Variants in TCL1A observed in about 807,000 individuals in gnomAD.
TCL1A encodes the protein TCL1 family AKT coactivator A.
Under a neutral mutation model 16.9 loss-of-function variants are expected in TCL1A, and 9 were observed. That is an observed-to-expected ratio of 0.53 (90% CI 0.32 to 0.93). The LOEUF is 0.93. Among genes scored for constraint, TCL1A ranks in the 40% least tolerant of loss-of-function variants. The pLI, the probability that TCL1A is intolerant of heterozygous loss-of-function variation, is 0.04. For synonymous variants in TCL1A, 69 were observed against 63.2 expected, an observed-to-expected ratio of 1.09 and a Z score of -0.44; for missense variants, 139 against 153.0, an observed-to-expected ratio of 0.91 and a Z score of 0.48.
Position 95,714,092 on chromosome 14 carries a change from A to C in TCL1A, c.-26T>G, listed in dbSNP as rs957310790. ...GGCGTCCTCGGGCCGCCTAAGAAGC[A>C]AGAGCCAGAGCCTCTCAAGGCCGCT... On this transcript the variant is annotated 5_prime_UTR_variant, in exon 1 of 4. Coordinates refer to ENST00000402399, the MANE Select transcript of TCL1A (RefSeq NM_021966.3). 3 of 1,612,116 alleles carry C rather than the reference A, an allele frequency of 1.9e-6. No homozygotes were observed. In the East Asian group the frequency reaches 6.7e-5, roughly 36 times the overall value.
chr14:95,713,810 G>A (rs751230096), intron 1 of TCL1A, 137 bp downstream of exon 1: 4 of 1,360,564 alleles, frequency 2.9e-6, no homozygotes, highest in East Asian at 2.3e-5. Context: ...CCAGAGCCCG[G>A]CTCAAAGTGG....
At chr14:95,713,641 A>ATACCCATTTTTAAGGATTAG in intron 1 of TCL1A, among the ~76,000 whole-genome samples, 1 of 152,214 alleles carries the variant, frequency 6.6e-6, no homozygotes, top group Non-Finnish European at 1.5e-5. Context: ...TCACTTAGAG[A>ATACCCATTTTTAAGGATTAG]TACCCATTTT....
chr14:95,713,484 A>G (rs1886438236), intron 1 of TCL1A, among the ~76,000 whole-genome samples: 2 of 152,334 alleles, frequency 1.3e-5, no homozygotes, highest in East Asian at 1.9e-4. Context: ...TTTTCTAAAT[A>G]AAGCCCAGAG....
Position 95,710,617 on chromosome 14 carries a change from G to A in TCL1A, c.*271C>T, listed in dbSNP as rs546597677. On this transcript the variant is annotated 3_prime_UTR_variant, in exon 4 of 4. Transcript: ENST00000402399. ...TCCAGCTGAGAAAAGCCGAGGCACAGGTATAGCTGGGCACCTGGAAGAAGC... is the reference window on the plus strand; with the variant it reads ...TCCAGCTGAGAAAAGCCGAGGCACAAGTATAGCTGGGCACCTGGAAGAAGC... The A allele has an allele frequency of 6.5e-6, 1 of 152,676 alleles. No individual in the cohort carries two copies. The highest frequency in any genetic ancestry group is 1.9e-4 in the East Asian group (1 of 5,192). 9.5% of individuals were successfully genotyped at this position (152,676 alleles called of 1,614,324 possible). A position where few individuals can be genotyped will look rare whatever the true frequency, so the allele number is the denominator to read the frequency against.
chr14:95,713,642 T>A (rs75675056), intron 1 of TCL1A, among the ~76,000 whole-genome samples: 10 of 152,192 alleles, frequency 6.6e-5, no homozygotes, highest in South Asian at 2.1e-4. Context: ...CACTTAGAGA[T>A]ACCCATTTTT....
chr14:95,711,094 T>C (rs1012432599), intron 3 of TCL1A, among the ~76,000 whole-genome samples: 1 of 152,104 alleles, frequency 6.6e-6, no homozygotes, highest in Non-Finnish European at 1.5e-5. Flanking sequence ...GTACTCTTAT[T>C]TCCTCAAAAC....
At chr14:95,713,650 T>G (rs1886453424) in intron 1 of TCL1A, among the ~76,000 whole-genome samples, 1 of 152,334 alleles carries the variant, frequency 6.6e-6, no homozygotes, top group South Asian at 2.1e-4. Context: ...GATACCCATT[T>G]TTAAGGATTA....
Position 95,713,976 on chromosome 14 carries a change from G to C in TCL1A, c.91C>G (p.Gln31Glu), listed in dbSNP as rs762263577. 1 of 1,614,058 alleles carries C rather than the reference G, an allele frequency of 6.2e-7. No individual in the cohort carries two copies. Among genetic ancestry groups the C allele is most frequent in the African/African-American group, 1.3e-5 (1 of 75,070 alleles). Residue 31 changes from glutamine (Q) to glutamate (E), a missense_variant, in exon 1 of 4, where the codon CAG (glutamine) becomes GAG (glutamate). Physicochemically the swap from Gln to Glu is conservative, Grantham distance 29. Coordinates refer to ENST00000402399, the MANE Select transcript of TCL1A (RefSeq NM_021966.3). ...WEKFVYLDEK[Q>E]HAWLPLTIEI... ...ATGGTTAAGGGCAGCCAGGCGTGCT[G>C]CTTCTCGTCCAAATACACGAACTTC...
intron 2 of TCL1A, 125 bp downstream of exon 2, chr14:95,712,095 G>T: frequency 1.6e-6 from 2 of 1,245,374 alleles, no homozygotes; most frequent in South Asian, 1.3e-5. Flanking sequence ...ATCTGCACTT[G>T]TACATTTCCC....
chr14:95,711,739 T>C lies in TCL1A; in HGVS notation c.*6+10A>G, dbSNP rs747916728. On this transcript the variant is annotated intron_variant, in intron 3 of 3. Transcript: ENST00000402399. Reference sequence around the variant, plus strand: ...TGGACTAAGAGGGGTCAGGCTCCAGTGGAGCTCACCATACATCAGTCATCT... The same window carrying C: ...TGGACTAAGAGGGGTCAGGCTCCAGCGGAGCTCACCATACATCAGTCATCT... 1 of 1,613,044 alleles carries C rather than the reference T, an allele frequency of 6.2e-7. No homozygotes were observed. Among genetic ancestry groups the C allele is most frequent in the East Asian group, 2.2e-5 (1 of 44,864 alleles).
intron 1 of TCL1A, 28 bp from the exon 2 acceptor site, chr14:95,712,424 C>G (rs1886383277): frequency 1.3e-6 from 2 of 1,566,932 alleles, no homozygotes. Flanking sequence ...ACAGGGCATA[C>G]TTTCAGGTTC....
At chr14:95,713,296 T>C (rs1595067216) in intron 1 of TCL1A, among the ~76,000 whole-genome samples, 1 of 152,284 alleles carries the variant, frequency 6.6e-6, no homozygotes, top group Non-Finnish European at 1.5e-5. Context: ...TTGGAGAGAG[T>C]TTGAACATTT....
intron 1 of TCL1A, chr14:95,712,797 CAAAG>C (rs939871919): frequency 1.0e-4 from 71 of 708,044 alleles, no homozygotes; most frequent in Middle Eastern, 3.0e-4. Flanking sequence ...AAAAAAACAA[CAAAG>C]AAAGAAAGAG....
Position 95,710,096 on chromosome 14 carries a change from G to T in TCL1A, c.*792C>A, listed in dbSNP as rs1045226517. On this transcript the variant is annotated 3_prime_UTR_variant, in exon 4 of 4. Transcript: ENST00000402399. ...TGCATTTAATCAATCATTACAAAAA[G>T]TATTCATGCCACATACAACTTTGTA... The T allele has an allele frequency of 1.3e-5, 2 of 152,172 alleles. No homozygotes were observed. Among genetic ancestry groups the T allele is most frequent in the East Asian group, 1.9e-4 (1 of 5,194 alleles). 9.4% of individuals were successfully genotyped at this position (152,172 alleles called of 1,614,324 possible).
chr14:95,713,690 T>C (rs925157798), intron 1 of TCL1A, among the ~76,000 whole-genome samples: 2 of 152,312 alleles, frequency 1.3e-5, no homozygotes, highest in African/African-American at 4.8e-5. Context: ...ATGCCTGCTG[T>C]AGTCAACATT....
chr14:95,713,872 C>T (rs1198333216), intron 1 of TCL1A, 75 bp downstream of exon 1: 32 of 1,586,484 alleles, frequency 2.0e-5, no homozygotes, highest in Non-Finnish European at 2.6e-5. Context: ...CTTGAGTCCT[C>T]GCCCTTCCTA....
chr14:95,712,033 T>C, intron 2 of TCL1A, 187 bp downstream of exon 2: 1 of 881,600 alleles, frequency 1.1e-6, no homozygotes, highest in South Asian at 1.7e-5. Context: ...GAGGTAGGGT[T>C]CTGTTAGAGA....
At chr14:95,713,418 A>G (rs539359923) in intron 1 of TCL1A, among the ~76,000 whole-genome samples, 1 of 152,340 alleles carries the variant, frequency 6.6e-6, no homozygotes, top group Non-Finnish European at 1.5e-5. Flanking sequence ...CACATTAAAA[A>G]AGTCAATATT....
chr14:95,712,391 C>T lies in TCL1A; in HGVS notation c.126G>A (p.Lys42=). ...HAWLPLTIEI[K]DRLQLRVLLR... is the part of the protein sequence containing the mutation. ...AGAGCACCCGTAACTGTAACCTATC[C>T]TTTATCTGAGGAGAAGAAAAGGACA... Residue 42 remains lysine, a synonymous_variant, in exon 2 of 4, where the codon AAG becomes AAA. Coordinates refer to ENST00000402399, the MANE Select transcript of TCL1A (RefSeq NM_021966.3). 3 of 1,602,244 alleles carry T rather than the reference C, an allele frequency of 1.9e-6. No individual in the cohort carries two copies. The highest frequency in any genetic ancestry group is 1.7e-6 in the Non-Finnish European group (2 of 1,171,734).
Sources: gnomAD v4.1 joint callset for allele counts (sites outside exome capture counted in the v4.1 genomes callset) on GRCh38, gnomAD v4.1.1 for gene constraint, MANE v1.5 for transcripts, NCBI Gene and HGNC (gene_info 2026-07-23, HGNC 2026-07-21) for gene names.